The following ORC4 variants were observed in gnomAD, a reference collection of about 807,000 sequenced individuals.
The protein encoded by ORC4 is origin recognition complex, subunit 4 homolog.
A neutral mutation model predicts 63.9 loss-of-function variants in ORC4; 55 were observed. The ratio of observed to expected loss-of-function variants is 0.86; its 90% CI spans 0.69 to 1.08. The LOEUF (loss-of-function observed/expected upper bound fraction) is 1.08. Ranked by LOEUF, ORC4 falls within the 50% of genes least tolerant of loss-of-function variation. The pLI is 0.00. For synonymous variants in ORC4, 150 were observed against 168.5 expected, an observed-to-expected ratio of 0.89 and a Z score of 0.85; for missense variants, 511 against 504.4, an observed-to-expected ratio of 1.01 and a Z score of -0.13.
intron 9 of ORC4, among the ~76,000 whole-genome samples, chr2:147,946,347 C>T (rs1558833606): frequency 6.6e-6 from 1 of 151,652 alleles, no homozygotes; most frequent in Non-Finnish European, 1.5e-5. Flanking sequence ...TGAAAGACTA[C>T]ATTTGAATCT....
chr2:147,966,501 A>T (rs1473762934), intron 4 of ORC4, among the ~76,000 whole-genome samples: 1 of 152,048 alleles, frequency 6.6e-6, no homozygotes, highest in African/African-American at 2.4e-5. Context: ...AAATAAATAA[A>T]TGAGAAAAGA....
intron 1 of ORC4, among the ~76,000 whole-genome samples, chr2:148,018,645 T>A (rs1693466545): frequency 6.6e-6 from 1 of 152,208 alleles, no homozygotes; most frequent in Admixed American, 6.5e-5. Flanking sequence ...TAGAGTTATA[T>A]CCCAGCTGCA....
intron 9 of ORC4, 156 bp downstream of exon 9, chr2:147,947,895 G>T (rs1040075186): frequency 1.7e-6 from 1 of 598,840 alleles, no homozygotes; most frequent in Non-Finnish European, 2.9e-6. Context: ...TGTCTAAGAA[G>T]AAAATTTTTA....
In ORC4 at chr2:147,931,541, T is replaced by C. The variant is rs1371194585; in HGVS notation, c.*3969A>G. The C allele has an allele frequency of 6.6e-6, 1 of 152,144 alleles. No homozygotes were observed. Among genetic ancestry groups the C allele is most frequent in the Non-Finnish European group, 1.5e-5 (1 of 68,054 alleles). 9.4% of individuals were successfully genotyped at this position (152,144 alleles called of 1,614,324 possible). A position where few individuals can be genotyped will look rare whatever the true frequency, so the allele number is the denominator to read the frequency against. On this transcript the variant is annotated 3_prime_UTR_variant, in exon 14 of 14. Coordinates refer to ENST00000392857, the MANE Select transcript of ORC4 (RefSeq NM_181741.4). ...CTGTTGTTTCCTGACTTTTTAATGA[T>C]TGCCATTCTAACTGGATAAAATACT... is the stretch of plus-strand genomic sequence containing the variant.
intron 4 of ORC4, among the ~76,000 whole-genome samples, chr2:147,964,571 A>G (rs927658346): frequency 6.6e-6 from 1 of 152,194 alleles, no homozygotes; most frequent in African/African-American, 2.4e-5. Context: ...AGAGGAATGG[A>G]CATCCAAAGG....
chr2:147,945,325 CCT>C (rs1038067095), intron 9 of ORC4, among the ~76,000 whole-genome samples: 14 of 152,038 alleles, frequency 9.2e-5, no homozygotes, highest in Non-Finnish European at 1.9e-4. Flanking sequence ...TCCAATTCCC[CCT>C]CTTTCTAAAA....
intron 1 of ORC4, among the ~76,000 whole-genome samples, chr2:148,005,735 T>A (rs1371344150): frequency 6.6e-6 from 1 of 151,112 alleles, no homozygotes; most frequent in East Asian, 1.9e-4. Context: ...TCTCAGCACT[T>A]TGGAAGGTCA....
intron 13 of ORC4, chr2:147,936,810 G>A (rs1688074844): frequency 6.6e-6 from 1 of 152,108 alleles, no homozygotes; most frequent in African/African-American, 2.4e-5. Context: ...CATGAGGTCA[G>A]GAGTTTGAGA....
chr2:147,985,867 G>A (rs1691172920), intron 1 of ORC4, among the ~76,000 whole-genome samples: 1 of 152,014 alleles, frequency 6.6e-6, no homozygotes, highest in South Asian at 2.1e-4. Context: ...AGCAGCAGTA[G>A]CTGTTAGGTC....
At chr2:147,965,848 A>T (rs926453864) in intron 4 of ORC4, among the ~76,000 whole-genome samples, 18 of 152,236 alleles carry the variant, frequency 1.2e-4, no homozygotes, top group East Asian at 5.8e-4. Context: ...ACATTTTTTT[A>T]AAAAAAGCAA....
chr2:147,935,421 A>C lies in ORC4; in HGVS notation c.*89T>G. On this transcript the variant is annotated 3_prime_UTR_variant, in exon 14 of 14. Coordinates refer to ENST00000392857, the MANE Select transcript of ORC4 (RefSeq NM_181741.4). ...ACATAAATACAAGAATGTTTATAGA[A>C]TGTTTAGCATATCATGTTAATGGAC... 1.1e-6 allele frequency: 1 copy of C among 951,842 alleles called. No homozygotes were observed. Among genetic ancestry groups the C allele is most frequent in the Non-Finnish European group, 1.7e-6 (1 of 588,442 alleles). 59.0% of individuals were successfully genotyped at this position (951,842 alleles called of 1,614,324 possible).
At chr2:147,970,768 G>A (rs1213850219) in intron 4 of ORC4, among the ~76,000 whole-genome samples, 2 of 152,072 alleles carry the variant, frequency 1.3e-5, no homozygotes, top group African/African-American at 4.8e-5. Context: ...CTTTCGGTTT[G>A]GTGATGAAGC....
chr2:147,947,688 CATTT>C (rs2105284923), intron 9 of ORC4: 1 of 154,044 alleles, frequency 6.5e-6, no homozygotes, highest in Non-Finnish European at 1.4e-5. Flanking sequence ...GAGTCATTAA[CATTT>C]ATTTATCATT....
In ORC4 at chr2:147,989,415, C is replaced by A. The variant is rs990896534; in HGVS notation, c.-17-13440G>T. Reference sequence around the variant, plus strand: ...CATTTGTTAAAAATATAAAAACATACCACTTTTCGGCTGGGCGCAGTGGCT... The same window carrying A: ...CATTTGTTAAAAATATAAAAACATAACACTTTTCGGCTGGGCGCAGTGGCT... On this transcript the variant is annotated intron_variant, in intron 1 of 13. Coordinates refer to ENST00000392857, the MANE Select transcript of ORC4 (RefSeq NM_181741.4). Among the ~76,000 whole-genome samples the A allele has an allele frequency of 2.6e-5, 4 of 152,064 alleles. No homozygotes were observed. The South Asian group carries it at 8.3e-4, about 32-fold the overall frequency.
chr2:147,936,304 T>C (rs1688047782), intron 13 of ORC4: 1 of 153,232 alleles, frequency 6.5e-6, no homozygotes, highest in Non-Finnish European at 1.5e-5. Context: ...CACAACCTTC[T>C]TCCATCTTCC....
intron 6 of ORC4, 56 bp downstream of exon 6, chr2:147,958,242 G>T: frequency 9.4e-7 from 1 of 1,068,236 alleles, no homozygotes; most frequent in Non-Finnish European, 1.4e-6. Context: ...AATATACATG[G>T]TATAAAGACA....
At chr2:147,939,105 A>G in intron 11 of ORC4, 35 bp downstream of exon 11, 2 of 1,303,636 alleles carry the variant, frequency 1.5e-6, no homozygotes, top group Non-Finnish European at 2.2e-6. Flanking sequence ...AAAGTTTTAA[A>G]AACCACAATT....
At position 147,931,697 on chromosome 2, in the gene ORC4, G is replaced by C. The variant is rs1687747615; in HGVS notation, c.*3813C>G. On this transcript the variant is annotated 3_prime_UTR_variant, in exon 14 of 14. Transcript: ENST00000392857. ...AATCCAGCATATAAACAGAGCCAAA[G>C]ACAAAAAACACATGATTATCTCAAT... The C allele has an allele frequency of 6.6e-6, 1 of 152,048 alleles. No homozygotes were observed. The highest frequency in any genetic ancestry group is 2.4e-5 in the African/African-American group (1 of 41,388). 9.4% of individuals were successfully genotyped at this position (152,048 alleles called of 1,614,324 possible).
chr2:148,005,096 C>A (rs999161896), intron 1 of ORC4, among the ~76,000 whole-genome samples: 1 of 152,166 alleles, frequency 6.6e-6, no homozygotes, highest in Admixed American at 6.5e-5. Flanking sequence ...ACTATAAAGA[C>A]ACATGCATAC....
Sources: allele counts gnomAD v4.1 joint callset (sites outside exome capture counted in the v4.1 genomes callset), GRCh38; gene constraint gnomAD v4.1.1; transcripts MANE v1.5; gene names NCBI Gene and HGNC (gene_info 2026-07-23, HGNC 2026-07-21).